PAX7: variants seen among roughly 807,000 people sequenced by gnomAD.
The protein encoded by PAX7 is paired box 7.
In PAX7, 18 loss-of-function variants were observed where a neutral mutation model predicts 50.7. That is an observed-to-expected ratio of 0.36 (90% confidence interval 0.25 to 0.53). The LOEUF is 0.53. PAX7 is among the 20% of genes least tolerant of loss of function. PAX7 has a pLI of 0.93. For synonymous variants in PAX7, 310 were observed against 290.4 expected (o/e 1.07, Z -0.69); for missense variants, 644 against 702.9 (o/e 0.92, Z 0.95).
rs866754082 is a variant in PAX7, at chr1:18,746,915, T to C, written c.*1986T>C. 4.3e-6 allele frequency: 1 copy of C among 231,736 alleles called. No individual in the cohort carries two copies. Among genetic ancestry groups the C allele is most frequent in the Non-Finnish European group, 8.5e-6 (1 of 117,070 alleles). 14.4% of individuals were successfully genotyped at this position (231,736 alleles called of 1,614,324 possible). A position where few individuals can be genotyped will look rare whatever the true frequency, so the allele number is the denominator to read the frequency against. ...AATAACTGGGGACAAACAGACTCTT[T>C]GGTAGCAGCAGACACATGTGATCCA... On this transcript the variant is annotated 3_prime_UTR_variant, in exon 9 of 9. Transcript: ENST00000420770.
intron 4 of PAX7, among the ~76,000 whole-genome samples, chr1:18,653,762 A>G (rs774405565): frequency 4.6e-5 from 7 of 151,900 alleles, no homozygotes; most frequent in Admixed American, 6.6e-5. Context: ...GCTTGAAGTC[A>G]TCTAGCTGAG....
chr1:18,723,298 A>G (rs1557552000), intron 7 of PAX7, among the ~76,000 whole-genome samples: 1 of 152,202 alleles, frequency 6.6e-6, no homozygotes, highest in South Asian at 2.1e-4. Flanking sequence ...TTTGAGATGC[A>G]TTCTTTGCCA....
rs749582204 is a variant in PAX7 at position 18,636,393 on chromosome 1, C to A, written c.586+22C>A. ...AAAGGTAGGGAACTTCCCTGGGCTG[C>A]GAGGCCCCAGCCCGGGTTTTCCCAC... is the stretch of plus-strand genomic sequence containing the variant. On this transcript the variant is annotated intron_variant, in intron 4 of 8. Coordinates refer to ENST00000420770, the MANE Select transcript of PAX7 (RefSeq NM_001135254.2). The surrounding 1 kb of genome is among the most constrained non-coding windows in gnomAD (Gnocchi z 5.1). 1 of 1,609,216 alleles carries A rather than the reference C, an allele frequency of 6.2e-7. No homozygotes were observed. The highest frequency in any genetic ancestry group is 8.5e-7 in the Non-Finnish European group (1 of 1,176,636).
At chr1:18,638,098 A>G (rs2088191698) in intron 4 of PAX7, among the ~76,000 whole-genome samples, 1 of 152,230 alleles carries the variant, frequency 6.6e-6, no homozygotes, top group Admixed American at 6.5e-5. Flanking sequence ...TTCCTGCACA[A>G]CAAACAACTC....
At chr1:18,716,205 G>A (rs2089417955) in intron 7 of PAX7, among the ~76,000 whole-genome samples, 1 of 152,240 alleles carries the variant, frequency 6.6e-6, no homozygotes, top group South Asian at 2.1e-4. Context: ...GAACATCAGA[G>A]ACCTGGGTCG....
At chr1:18,715,871 C>T (rs191422007) in intron 7 of PAX7, among the ~76,000 whole-genome samples, 3 of 152,290 alleles carry the variant, frequency 2.0e-5, no homozygotes, top group Admixed American at 6.5e-5. Context: ...AGCGCAGGGC[C>T]GGGATGCAGA....
chr1:18,715,617 T>G (rs1267806669), intron 7 of PAX7, among the ~76,000 whole-genome samples: 1 of 152,168 alleles, frequency 6.6e-6, no homozygotes, highest in Non-Finnish European at 1.5e-5. Flanking sequence ...TCCCAGTGCT[T>G]GGGCTCAATC....
chr1:18,723,877 C>T (rs974912830), intron 7 of PAX7, among the ~76,000 whole-genome samples: 1 of 152,160 alleles, frequency 6.6e-6, no homozygotes, highest in Non-Finnish European at 1.5e-5. Context: ...GCATTCCGGT[C>T]CCCAGCTGGT....
rs1341746553 is a variant in PAX7 at position 18,636,053 on chromosome 1, T to A, written c.452-184T>A. 6.6e-6 allele frequency among the ~76,000 whole-genome samples: 1 copy of A among 152,170 alleles called. No individual in the cohort carries two copies. On this transcript the variant is annotated intron_variant, in intron 3 of 8. Transcript: ENST00000420770. This position sits in a 1 kb window ranked among gnomAD's most constrained non-coding sequence, Gnocchi z 5.1. ...TGAGTGCCCGGGGTGTGAGTCAGGC[T>A]TCTCCAAGTGGATGCTGGTTATGGA...
intron 7 of PAX7, among the ~76,000 whole-genome samples, chr1:18,723,243 C>G (rs998496093): frequency 6.6e-6 from 1 of 152,202 alleles, no homozygotes; most frequent in Non-Finnish European, 1.5e-5. Context: ...ATGTTCCCCC[C>G]GAGGCCCTGG....
intron 7 of PAX7, among the ~76,000 whole-genome samples, chr1:18,734,451 C>T (rs2089686481): frequency 6.6e-6 from 1 of 152,108 alleles, no homozygotes; most frequent in Non-Finnish European, 1.5e-5. Context: ...CCCTCTCTCT[C>T]CTGCCCTCTC....
In PAX7 at chr1:18,635,190, G is replaced by C. The variant is rs760954795; in HGVS notation, c.401G>C (p.Arg134Pro). Reference sequence around the variant, plus strand: ...CCAGGCATGTTCAGCTGGGAGATCCGGGACAGGCTGCTGAAGGATGGGCAC... The same window carrying C: ...CCAGGCATGTTCAGCTGGGAGATCCCGGACAGGCTGCTGAAGGATGGGCAC... ...ENPGMFSWEIRDRLLKDGHCD... is the reference protein window; with the variant it reads ...ENPGMFSWEIPDRLLKDGHCD... Residue 134 changes from arginine (R) to proline (P), a missense_variant, in exon 3 of 9, where the codon CGG (arginine) becomes CCG (proline). Coordinates refer to ENST00000420770, the MANE Select transcript of PAX7 (RefSeq NM_001135254.2). 1 of 1,614,010 alleles carries C rather than the reference G, an allele frequency of 6.2e-7. No individual in the cohort carries two copies. The highest frequency in any genetic ancestry group is 8.5e-7 in the Non-Finnish European group (1 of 1,179,964).
chr1:18,641,125 C>G (rs2088247214), intron 4 of PAX7, among the ~76,000 whole-genome samples: 1 of 152,270 alleles, frequency 6.6e-6, no homozygotes, highest in South Asian at 2.1e-4. Flanking sequence ...ACAAAGTCTG[C>G]AAACTGTTTG....
chr1:18,635,055 T>C, intron 2 of PAX7, 56 bp from the exon 3 acceptor site: 1 of 1,595,784 alleles, frequency 6.3e-7, no homozygotes, highest in Non-Finnish European at 8.6e-7. Flanking sequence ...ATTAAAAGTA[T>C]TTTCCTCCCC....
intron 5 of PAX7, among the ~76,000 whole-genome samples, chr1:18,698,137 C>T (rs1422446295): frequency 6.6e-6 from 1 of 152,020 alleles, no homozygotes; most frequent in Non-Finnish European, 1.5e-5. Flanking sequence ...TCCCAAATGC[C>T]CATCGCTCTC....
chr1:18,656,094 G>T (rs1016180830), intron 4 of PAX7, among the ~76,000 whole-genome samples: 1 of 152,204 alleles, frequency 6.6e-6, no homozygotes, highest in Non-Finnish European at 1.5e-5. Context: ...TCACTGGGCT[G>T]TTGGGAAAAT....
chr1:18,658,891 C>A lies in PAX7; in HGVS notation c.586+22520C>A, dbSNP rs146423998. 9.2e-5 allele frequency among the ~76,000 whole-genome samples: 14 copies of A among 152,266 alleles called. No individual in the cohort carries two copies. In the East Asian group the frequency reaches 2.7e-3, roughly 29 times the overall value. Reference sequence around the variant, plus strand: ...CTTGCTCAAACAAGCCAGGGTTATGCAAAACTCCAAAATTTCCTTCATTTG... The same window carrying A: ...CTTGCTCAAACAAGCCAGGGTTATGAAAAACTCCAAAATTTCCTTCATTTG... On this transcript the variant is annotated intron_variant, in intron 4 of 8. Transcript: ENST00000420770.
rs2088073566 is a variant in PAX7, at chr1:18,632,667, C to G, written c.85+979C>G. ...ACTTTTTTTTTTTAAATTACTCTTC[C>G]TGTGATCGTTTGAGTCCCTGGCGCG... On this transcript the variant is annotated intron_variant, in intron 1 of 8. Transcript: ENST00000420770. This position sits in a 1 kb window ranked among gnomAD's most constrained non-coding sequence, Gnocchi z 6.3. 7.5e-6 allele frequency among the ~76,000 whole-genome samples: 1 copy of G among 132,770 alleles called. No individual in the cohort carries two copies. The highest frequency in any genetic ancestry group is 2.4e-4 in the East Asian group (1 of 4,146). The allele number at this position is 132,770 out of a possible 152,430, so 87.1% of individuals were successfully genotyped here.
chr1:18,659,739 G>A (rs1047576414), intron 4 of PAX7, among the ~76,000 whole-genome samples: 5 of 152,134 alleles, frequency 3.3e-5, no homozygotes, highest in African/African-American at 1.2e-4. Context: ...GACTTTCCTG[G>A]TTTTCCCACT....
Sources: gnomAD v4.1 joint callset for allele counts (sites outside exome capture counted in the v4.1 genomes callset) on GRCh38, gnomAD v4.1.1 for gene constraint, Gnocchi (gnomAD v3.1) non-coding constraint, MANE v1.5 for transcripts, NCBI Gene and HGNC (gene_info 2026-07-23, HGNC 2026-07-21) for gene names.